The following RGS12 variants were observed in gnomAD, a reference collection of about 807,000 sequenced individuals.
RGS12 encodes the protein regulator of G protein signaling 12, also known as regulator of G-protein signaling 12.
Under a neutral mutation model 120.1 loss-of-function variants are expected in RGS12, and 66 were observed. That is an observed-to-expected ratio of 0.55 (90% CI 0.45 to 0.67). RGS12 has a LOEUF of 0.67. RGS12 is among the 30% of genes least tolerant of loss of function. RGS12 has a pLI of 0.00. For synonymous variants in RGS12, 827 were observed against 804.7 expected, an observed-to-expected ratio of 1.03 and a Z score of -0.47; for missense variants, 1,859 against 1,957.7, an observed-to-expected ratio of 0.95 and a Z score of 0.95.
chr4:3,357,381 C>T (rs1432335368), intron 3 of RGS12, among the ~76,000 whole-genome samples: 2 of 152,038 alleles, frequency 1.3e-5, no homozygotes, highest in Non-Finnish European at 2.9e-5. Context: ...CTTAAATTTT[C>T]ATGAAGTCCA....
chr4:3,333,050 TC>T, intron 2 of RGS12, among the ~76,000 whole-genome samples: 1 of 148,082 alleles, frequency 6.8e-6, no homozygotes, highest in Non-Finnish European at 1.5e-5. Context: ...GGTCTCAAAC[TC>T]TTTTTTTTTT....
upstream of RGS12, among the ~76,000 whole-genome samples, chr4:3,290,041 C>G (rs1339447585): frequency 6.6e-6 from 1 of 152,178 alleles, no homozygotes; most frequent in Non-Finnish European, 1.5e-5. Flanking sequence ...TTTTCTTTAT[C>G]CACCTAATCC....
intron 14 of RGS12, 52 bp from the exon 15 acceptor site, chr4:3,428,038 C>T: frequency 6.5e-7 from 1 of 1,532,770 alleles, no homozygotes; most frequent in Non-Finnish European, 9.0e-7. Flanking sequence ...GTCTATGAAA[C>T]ATTCAGATGG....
intron 3 of RGS12, among the ~76,000 whole-genome samples, chr4:3,354,346 TAC>T (rs2108812998): frequency 1.3e-5 from 2 of 152,298 alleles, no homozygotes; most frequent in African/African-American, 4.8e-5. Flanking sequence ...TTCTGCCAGG[TAC>T]ACACCTGCCT....
At chr4:3,388,113 C>T (rs188672443) in intron 4 of RGS12, among the ~76,000 whole-genome samples, 1 of 152,120 alleles carries the variant, frequency 6.6e-6, no homozygotes, top group African/African-American at 2.4e-5. Flanking sequence ...GGCTTTCCAC[C>T]CCCTGCTCCT....
chr4:3,379,533 C>T (rs566279102), intron 3 of RGS12, among the ~76,000 whole-genome samples: 106 of 152,232 alleles, frequency 7.0e-4, no homozygotes, highest in African/African-American at 2.4e-3. Context: ...AGTCTGTTCT[C>T]GTGCTGCTAT....
At chr4:3,391,006 A>G (rs1719436926) in intron 4 of RGS12, among the ~76,000 whole-genome samples, 1 of 152,320 alleles carries the variant, frequency 6.6e-6, no homozygotes, top group South Asian at 2.1e-4. Context: ...ATAAATTTAC[A>G]TTTTCCTCAT....
rs1384315487 is a variant in RGS12, at chr4:3,372,643, C to G, written c.1999-13773C>G. On this transcript the variant is annotated intron_variant, in intron 3 of 17. Transcript: ENST00000336727. The surrounding 1 kb of genome is among the most constrained non-coding windows in gnomAD (Gnocchi z 4.3). The stretch of plus-strand genomic sequence containing the variant: ...CCATCAGGGTGTGGTTTTGTGACGT[C>G]TCAGGGTGTCCTTTCTTTCCTTCAT... Among the ~76,000 whole-genome samples the G allele has an allele frequency of 5.3e-5, 8 of 152,250 alleles. No individual in the cohort carries two copies. The highest frequency in any genetic ancestry group is 1.5e-5 in the Non-Finnish European group (1 of 68,048).
intron 3 of RGS12, among the ~76,000 whole-genome samples, chr4:3,350,030 A>T (rs1011104411): frequency 6.6e-6 from 1 of 152,184 alleles, no homozygotes; most frequent in African/African-American, 2.4e-5. Context: ...GAAAACTGAG[A>T]TATAGAAAAA....
rs780137675 is a variant in RGS12, at chr4:3,417,560, G to A, written c.2761+19G>A. ...GCAGACGGTTTGTGGGGTGGCTCCT[G>A]GGCTGTGGTGTCCAGGCCAGGCAGC... is the stretch of plus-strand genomic sequence containing the variant. On this transcript the variant is annotated intron_variant, in intron 9 of 17. Coordinates refer to ENST00000336727, the MANE Select transcript of RGS12 (RefSeq NM_001394154.1). 1.9e-6 allele frequency: 3 copies of A among 1,610,452 alleles called. No individual in the cohort carries two copies. In the African/African-American group the frequency reaches 4.0e-5, roughly 22 times the overall value.
intron 15 of RGS12, 105 bp downstream of exon 15, chr4:3,428,274 G>A (rs1277657328): frequency 2.8e-6 from 3 of 1,071,234 alleles, no homozygotes; most frequent in Non-Finnish European, 4.4e-6. Context: ...TTATCACTGT[G>A]TGTCTCCCCC....
chr4:3,295,989 C>T (rs1280406222), intron 1 of RGS12, among the ~76,000 whole-genome samples: 1 of 152,308 alleles, frequency 6.6e-6, no homozygotes, highest in East Asian at 1.9e-4. Context: ...AGCTCCCTCC[C>T]GAGGCACTGG....
intron 3 of RGS12, among the ~76,000 whole-genome samples, chr4:3,360,511 TAA>T (rs1446389738): frequency 1.3e-5 from 2 of 152,200 alleles, no homozygotes; most frequent in African/African-American, 4.8e-5. Flanking sequence ...TTTAAGGCTA[TAA>T]ATTTCCCCTT....
At chr4:3,386,553 CTCCTT>C in intron 4 of RGS12, 116 bp downstream of exon 4, 1 of 897,528 alleles carries the variant, frequency 1.1e-6, no homozygotes, top group Non-Finnish European at 1.8e-6. Flanking sequence ...CTTTCCCTGT[CTCCTT>C]GTGGGCGGGT....
rs372550124 is a variant in RGS12, at chr4:3,317,665, A to G, written c.1495A>G (p.Asn499Asp). The change falls in exon 2 of 18, where the codon AAC (asparagine) becomes GAC (aspartate). Residue 499 changes from asparagine (N) to aspartate (D), a missense_variant. Asn to Asp is a conservative substitution (Grantham distance 23). This residue lies in a region of RGS12 where 967 missense variants were observed against 994.2 expected (regional missense o/e 0.97). Transcript: ENST00000336727. Reference sequence around the variant, plus strand: ...TCAGACTGACAGGTTCTGGGACCTAAACAAGCACCTAGGGCCAGCCTCTCC... The same window carrying G: ...TCAGACTGACAGGTTCTGGGACCTAGACAAGCACCTAGGGCCAGCCTCTCC... ...AHQTDRFWDLNKHLGPASPVE... is the reference protein window; with the variant it reads ...AHQTDRFWDLDKHLGPASPVE... 1.2e-6 allele frequency: 2 copies of G among 1,604,756 alleles called. No individual in the cohort carries two copies. The highest frequency in any genetic ancestry group is 2.7e-5 in the African/African-American group (2 of 74,856).
At chr4:3,318,819 G>A (rs1429355649) in intron 2 of RGS12, among the ~76,000 whole-genome samples, 1 of 152,220 alleles carries the variant, frequency 6.6e-6, no homozygotes, top group East Asian at 1.9e-4. Flanking sequence ...CCTCTGGAAG[G>A]ACTTCCTCCA....
rs185054559 is a variant in RGS12, at chr4:3,353,674, A to G, written c.1998+10621A>G. 2.6e-3 allele frequency among the ~76,000 whole-genome samples: 397 copies of G among 152,252 alleles called. 1 individual carries two copies. Among genetic ancestry groups the G allele is most frequent in the Non-Finnish European group, 4.7e-3 (317 of 67,994 alleles). Reference sequence around the variant, plus strand: ...TTAGTAGCTCTTACCTAGTGAGTGAAGGAACCAATGTGAGGGTTCTGCCAG... The same window carrying G: ...TTAGTAGCTCTTACCTAGTGAGTGAGGGAACCAATGTGAGGGTTCTGCCAG... On this transcript the variant is annotated intron_variant, in intron 3 of 17. Transcript: ENST00000336727.
At chr4:3,292,931 G>C (rs1250130042), upstream of RGS12, 5 of 147,046 alleles carry the variant, frequency 3.4e-5, no homozygotes, top group Admixed American at 2.0e-4. Flanking sequence ...CACCCCCTTG[G>C]CCCCGCCTCA....
rs752061570 is a variant in RGS12 at position 3,316,548 on chromosome 4, T to G, written c.378T>G (p.Ser126=). The change falls in exon 2 of 18, where the codon TCT becomes TCG. Residue 126 remains serine (S), a synonymous_variant. Coordinates refer to ENST00000336727, the MANE Select transcript of RGS12 (RefSeq NM_001394154.1). ...GKGWLKPKLD[S]KALGINRAER... ...GCTGGCTGAAGCCCAAGCTGGATTC[T>G]AAAGCACTAGGTATAAACAGAGCAG... 30 of 1,614,176 alleles carry G rather than the reference T, an allele frequency of 1.9e-5. No individual in the cohort carries two copies. In the East Asian group the frequency reaches 6.7e-4, roughly 36 times the overall value.
Sources: gnomAD v4.1 joint callset for allele counts (sites outside exome capture counted in the v4.1 genomes callset) on GRCh38, gnomAD v4.1.1 for gene constraint, gnomAD v4.1.1 regional missense constraint, Gnocchi (gnomAD v3.1) non-coding constraint, MANE v1.5 for transcripts, NCBI Gene and HGNC (gene_info 2026-07-23, HGNC 2026-07-21) for gene names.